KIF16B: variants seen among roughly 807,000 people sequenced by gnomAD.
KIF16B encodes kinesin-like protein KIF16B.
Under a neutral mutation model 156.3 loss-of-function variants are expected in KIF16B, and 98 were observed. That is an observed-to-expected ratio of 0.63 (90% confidence interval 0.53 to 0.74). The LOEUF (loss-of-function observed/expected upper bound fraction) is 0.74, where lower values mean the gene tolerates loss of function less well. Ranked by LOEUF, KIF16B falls within the 30% of genes least tolerant of loss-of-function variation. The probability of loss-of-function intolerance (pLI) is 0.00; values close to 1 mark genes in which losing one functional copy is unlikely to be tolerated. For missense variants in KIF16B, 1,421 were observed against 1,606.5 expected (o/e 0.88, Z 1.97); for synonymous variants, 564 against 583.7 (o/e 0.97, Z 0.49).
At chr20:16,301,085 C>A (rs891445140) in intron 25 of KIF16B, among the ~76,000 whole-genome samples, 5 of 152,148 alleles carry the variant, frequency 3.3e-5, no homozygotes, top group Non-Finnish European at 4.4e-5. Flanking sequence ...GAATCATACA[C>A]CATATAATCT....
At chr20:16,412,800 A>G (rs2065991957) in intron 15 of KIF16B, among the ~76,000 whole-genome samples, 1 of 152,166 alleles carries the variant, frequency 6.6e-6, no homozygotes, top group Non-Finnish European at 1.5e-5. Context: ...CATATCAGAT[A>G]GATCCTGCAG....
intron 25 of KIF16B, among the ~76,000 whole-genome samples, chr20:16,303,940 C>T (rs1035307708): frequency 1.3e-5 from 2 of 152,116 alleles, no homozygotes; most frequent in African/African-American, 4.8e-5. Context: ...ACTAAAAACA[C>T]GATCAGTAAA....
At chr20:16,474,389 G>A (rs1246529532) in intron 12 of KIF16B, among the ~76,000 whole-genome samples, 8 of 152,192 alleles carry the variant, frequency 5.3e-5, no homozygotes, top group Admixed American at 5.2e-4. Context: ...ATAAACATGT[G>A]AAGTGCTTAG....
chr20:16,517,140 G>A (rs1349594978), intron 3 of KIF16B, among the ~76,000 whole-genome samples: 2 of 152,166 alleles, frequency 1.3e-5, no homozygotes, highest in South Asian at 2.1e-4. Context: ...GTCATCCAAG[G>A]ACAAGATGAA....
intron 23 of KIF16B, among the ~76,000 whole-genome samples, chr20:16,343,225 C>G (rs528545976): frequency 7.6e-4 from 116 of 152,194 alleles, no homozygotes; most frequent in Non-Finnish European, 1.4e-3. Context: ...GCAACTTAAA[C>G]GCCATAAACA....
chr20:16,406,843 T>A (rs2065799076), intron 15 of KIF16B, among the ~76,000 whole-genome samples: 1 of 152,220 alleles, frequency 6.6e-6, no homozygotes. Flanking sequence ...ACTTTAGGAA[T>A]GTTTATTGAT....
intron 23 of KIF16B, among the ~76,000 whole-genome samples, chr20:16,338,673 T>C (rs375348336): frequency 3.5e-4 from 53 of 152,300 alleles, no homozygotes; most frequent in African/African-American, 1.2e-3. Context: ...ACCAACTGTC[T>C]GCTCACTCCC....
intron 14 of KIF16B, among the ~76,000 whole-genome samples, chr20:16,428,260 A>G (rs1435854233): frequency 6.6e-6 from 1 of 152,166 alleles, no homozygotes; most frequent in African/African-American, 2.4e-5. Context: ...GATTGGCTCC[A>G]TTAATAGCTT....
chr20:16,355,897 G>A (rs190959583), intron 23 of KIF16B, among the ~76,000 whole-genome samples: 3 of 152,176 alleles, frequency 2.0e-5, no homozygotes, highest in African/African-American at 4.8e-5. Flanking sequence ...CACTTTATAC[G>A]CACTGATATT....
At position 16,381,703 on chromosome 20, in the gene KIF16B, T is replaced by G; in HGVS notation, c.1829A>C (p.Glu610Ala). Residue 610 changes from glutamate to alanine, a missense_variant, in exon 18 of 26, where the codon GAA becomes GCA. Glu to Ala is a moderately radical substitution (Grantham distance 107). Coordinates refer to ENST00000354981, the MANE Select transcript of KIF16B (RefSeq NM_024704.5). ...ACCCCATGTGACTTACCTTTTACTT[T>G]CTAATTTTTCAAGTTCTTCACGCTG... ...RQQREELEKL[E>A]SKRKLIEEME... 1 of 1,612,272 alleles carries G rather than the reference T, an allele frequency of 6.2e-7. No homozygotes were observed. The highest frequency in any genetic ancestry group is 8.5e-7 in the Non-Finnish European group (1 of 1,178,910).
At chr20:16,416,252 G>A (rs974835192) in intron 15 of KIF16B, among the ~76,000 whole-genome samples, 1 of 152,124 alleles carries the variant, frequency 6.6e-6, no homozygotes, top group Non-Finnish European at 1.5e-5. Context: ...TGTTGCAACT[G>A]CTTTTGGCAA....
At chr20:16,493,833 G>C (rs1195528219) in intron 12 of KIF16B, among the ~76,000 whole-genome samples, 2 of 152,190 alleles carry the variant, frequency 1.3e-5, no homozygotes, top group Non-Finnish European at 2.9e-5. Flanking sequence ...AAAATATTTT[G>C]ATAGGAAATT....
At chr20:16,395,029 T>C (rs2065457326) in intron 17 of KIF16B, among the ~76,000 whole-genome samples, 1 of 151,252 alleles carries the variant, frequency 6.6e-6, no homozygotes, top group African/African-American at 2.4e-5. Flanking sequence ...CTAGATTCTA[T>C]GTCTGTTTTC....
intron 12 of KIF16B, among the ~76,000 whole-genome samples, chr20:16,468,844 C>T (rs1001234575): frequency 6.6e-6 from 1 of 152,116 alleles, no homozygotes; most frequent in Non-Finnish European, 1.5e-5. Flanking sequence ...TTAAGGGAAT[C>T]TGATTAACAC....
intron 17 of KIF16B, among the ~76,000 whole-genome samples, chr20:16,385,617 C>A (rs1479754617): frequency 6.6e-6 from 1 of 152,200 alleles, no homozygotes; most frequent in African/African-American, 2.4e-5. Context: ...AAGATGCCTG[C>A]CTGGCACCTG....
At chr20:16,283,201 A>G (rs2063172588) in intron 25 of KIF16B, among the ~76,000 whole-genome samples, 1 of 146,006 alleles carries the variant, frequency 6.8e-6, no homozygotes, top group Admixed American at 6.7e-5. Context: ...TTATGTAATA[A>G]GAGAGAAAAT....
chr20:16,328,396 T>C lies in KIF16B; in HGVS notation c.3711+7530A>G, dbSNP rs144821227. 2.4e-3 allele frequency among the ~76,000 whole-genome samples: 371 copies of C among 152,328 alleles called. 1 individual carries two copies. Among genetic ancestry groups the C allele is most frequent in the Middle Eastern group, 0.017 (5 of 294 alleles). On this transcript the variant is annotated intron_variant, in intron 24 of 25. Transcript: ENST00000354981. ...TATGATGAAGACAAGCAACATGAAC[T>C]GTTCCATGTAGCTTATACTCTCATG...
chr20:16,293,091 G>T (rs1288079305), intron 25 of KIF16B, among the ~76,000 whole-genome samples: 1 of 152,092 alleles, frequency 6.6e-6, no homozygotes, highest in African/African-American at 2.4e-5. Flanking sequence ...CTGAACAAAT[G>T]GAATTCCAGA....
chr20:16,429,743 G>A lies in KIF16B; in HGVS notation c.1422+120C>T, dbSNP rs1041001769. Reference sequence around the variant, plus strand: ...TTCCCAAAGGGCTCAAGGATTTGTTGTATATTCTTTAATTTAATTTAGTTG... The same window carrying A: ...TTCCCAAAGGGCTCAAGGATTTGTTATATATTCTTTAATTTAATTTAGTTG... On this transcript the variant is annotated intron_variant, in intron 13 of 25. Transcript: ENST00000354981. 3 of 825,910 alleles carry A rather than the reference G, an allele frequency of 3.6e-6. No individual in the cohort carries two copies. The African/African-American group carries it at 5.3e-5, about 15-fold the overall frequency. The allele number at this position is 825,910 out of a possible 1,614,324, so 51.2% of individuals were successfully genotyped here. A position where few individuals can be genotyped will look rare whatever the true frequency, so the allele number is the denominator to read the frequency against.
Sources: allele counts gnomAD v4.1 joint callset (sites outside exome capture counted in the v4.1 genomes callset), GRCh38; gene constraint gnomAD v4.1.1; transcripts MANE v1.5; gene names NCBI Gene and HGNC (gene_info 2026-07-23, HGNC 2026-07-21).